The following SPECC1 variants were observed in gnomAD, a reference collection of about 807,000 sequenced individuals.
The protein encoded by SPECC1 is sperm antigen with calponin homology and coiled-coil domains 1.
A neutral mutation model predicts 104.1 loss-of-function variants in SPECC1; 62 were observed. That is an observed-to-expected ratio of 0.60 (90% CI 0.49 to 0.74). SPECC1 has a LOEUF of 0.74. Among genes scored for constraint, SPECC1 ranks in the 30% least tolerant of loss-of-function variants. The pLI is 0.00. For missense variants in SPECC1, 1,306 were observed against 1,310.5 expected (o/e 1.00, Z 0.05); for synonymous variants, 513 against 501.6 (o/e 1.02, Z -0.30).
At chr17:20,215,869 A>G (rs1307156477) in intron 4 of SPECC1, among the ~76,000 whole-genome samples, 1 of 152,166 alleles carries the variant, frequency 6.6e-6, no homozygotes, top group Non-Finnish European at 1.5e-5. Flanking sequence ...CTTGGTTCTT[A>G]GATATCTCTA....
intron 1 of SPECC1, among the ~76,000 whole-genome samples, chr17:20,072,724 A>G (rs1184493627): frequency 1.3e-5 from 2 of 152,230 alleles, no homozygotes; most frequent in African/African-American, 4.8e-5. Context: ...GCCACCTGCT[A>G]TATAAGAGCT....
chr17:20,093,819 C>T (rs1271230743), intron 1 of SPECC1, among the ~76,000 whole-genome samples: 1 of 151,096 alleles, frequency 6.6e-6, no homozygotes, highest in Non-Finnish European at 1.5e-5. Context: ...CAACCTCTGC[C>T]TCCCGGGTTC....
intron 5 of SPECC1, among the ~76,000 whole-genome samples, chr17:20,228,819 C>T (rs1475007801): frequency 6.6e-6 from 1 of 152,254 alleles, no homozygotes; most frequent in South Asian, 2.1e-4. Context: ...CCAAATAAGC[C>T]TTACCAAATT....
At position 20,227,467 on chromosome 17, in the gene SPECC1, C is replaced by T; in HGVS notation, c.1918C>T (p.Leu640=). The T allele has an allele frequency of 6.2e-7, 1 of 1,613,718 alleles. No individual in the cohort carries two copies. Among genetic ancestry groups the T allele is most frequent in the Non-Finnish European group, 8.5e-7 (1 of 1,179,898 alleles). Residue 640 remains leucine, a synonymous_variant, in exon 5 of 15, where the codon CTG becomes TTG. Transcript: ENST00000395527. Reference sequence around the variant, plus strand: ...GATATGTGATCACCAAGCCGAACAGCTGAGCAGAACCAGCCTAAAGCTGCA... The same window carrying T: ...GATATGTGATCACCAAGCCGAACAGTTGAGCAGAACCAGCCTAAAGCTGCA... ...KEICDHQAEQ[L]SRTSLKLQEK...
At chr17:20,238,118 A>G (rs2039019533) in intron 7 of SPECC1, 1 of 1,028,930 alleles carries the variant, frequency 9.7e-7, no homozygotes, top group African/African-American at 1.7e-5. Context: ...GGTGCCTCCA[A>G]GCTTTGGGTT....
At position 20,227,563 on chromosome 17, in the gene SPECC1, G is replaced by C; in HGVS notation, c.2014G>C (p.Val672Leu). ...AACCATATTTGAATTGGAAGATCAG[G>C]TGGAACAGCACCGGGCTGTCAAGTT... ...KETIFELEDQ[V>L]EQHRAVKLHN... is the part of the protein sequence containing the mutation. The change falls in exon 5 of 15, where the codon GTG (valine) becomes CTG (leucine). Residue 672 changes from valine (V) to leucine (L), a missense_variant. Transcript: ENST00000395527. 1 of 1,612,670 alleles carries C rather than the reference G, an allele frequency of 6.2e-7. No homozygotes were observed. The highest frequency in any genetic ancestry group is 8.5e-7 in the Non-Finnish European group (1 of 1,179,696).
chr17:20,270,868 C>CACCT (rs1292197933), intron 12 of SPECC1, among the ~76,000 whole-genome samples: 1 of 152,164 alleles, frequency 6.6e-6, no homozygotes, highest in Non-Finnish European at 1.5e-5. Context: ...ATACTGGATA[C>CACCT]ACCTACTCTT....
chr17:20,025,330 G>C (rs1269482464), intron 1 of SPECC1, among the ~76,000 whole-genome samples: 1 of 152,202 alleles, frequency 6.6e-6, no homozygotes, highest in Admixed American at 6.5e-5. Context: ...AAGCTCCCCA[G>C]TTTGTGGTAC....
chr17:20,042,091 C>T (rs550703278), intron 1 of SPECC1, among the ~76,000 whole-genome samples: 5 of 152,286 alleles, frequency 3.3e-5, no homozygotes, highest in Non-Finnish European at 7.3e-5. Context: ...TTGGGTATTA[C>T]GTTATCAGAC....
At chr17:20,260,814 C>T (rs1366485973) in intron 12 of SPECC1, among the ~76,000 whole-genome samples, 1 of 151,964 alleles carries the variant, frequency 6.6e-6, no homozygotes, top group Admixed American at 6.6e-5. Context: ...GTGGGCTGGG[C>T]TGGGTAGATC....
chr17:20,173,220 G>A (rs1204310123), intron 3 of SPECC1, among the ~76,000 whole-genome samples: 3 of 152,196 alleles, frequency 2.0e-5, no homozygotes, highest in Non-Finnish European at 2.9e-5. Context: ...CTTTGCCCTG[G>A]CATGAAAAGA....
intron 3 of SPECC1, among the ~76,000 whole-genome samples, chr17:20,115,717 A>G (rs1026845512): frequency 1.3e-5 from 2 of 152,222 alleles, no homozygotes; most frequent in African/African-American, 2.4e-5. Flanking sequence ...ACAATTAACA[A>G]TCTTTCTAAC....
chr17:20,095,122 A>G (rs1424012486), intron 1 of SPECC1, among the ~76,000 whole-genome samples: 3 of 152,216 alleles, frequency 2.0e-5, no homozygotes, highest in Non-Finnish European at 4.4e-5. Context: ...GTTACTGTAT[A>G]GGTCTCAACC....
rs369658471 is a variant in SPECC1, at chr17:20,318,187, A to G, written c.*4122A>G. On this transcript the variant is annotated 3_prime_UTR_variant, in exon 15 of 15. Transcript: ENST00000395527. ...TCATTTTTACATGAAAGACAGCTGC[A>G]AAATGCAAGCCCCAGTAGAGTTGGA... 3 of 231,402 alleles carry G rather than the reference A, an allele frequency of 1.3e-5. No homozygotes were observed. The highest frequency in any genetic ancestry group is 1.8e-4 in the South Asian group (1 of 5,514). The allele number at this position is 231,402 out of a possible 1,614,324, so 14.3% of individuals were successfully genotyped here. A position where few individuals can be genotyped will look rare whatever the true frequency, so the allele number is the denominator to read the frequency against.
At chr17:20,082,967 TTC>T (rs2047035521) in intron 1 of SPECC1, among the ~76,000 whole-genome samples, 1 of 72,104 alleles carries the variant, frequency 1.4e-5, no homozygotes, top group African/African-American at 4.7e-5. Flanking sequence ...TGTTCGTTCG[TTC>T]GTTCGTTCGT....
chr17:20,096,832 G>A (rs535958198), intron 2 of SPECC1, 34 bp downstream of exon 2: 71 of 1,589,776 alleles, frequency 4.5e-5, no homozygotes, highest in East Asian at 1.8e-4. Context: ...CAGGCAGAGC[G>A]CCTGGATACC....
chr17:20,067,465 T>G (rs1382056118), intron 1 of SPECC1: 3 of 152,014 alleles, frequency 2.0e-5, no homozygotes, highest in Non-Finnish European at 4.4e-5. Flanking sequence ...ATATATAGAT[T>G]TTTTTTTCAG....
At chr17:20,260,429 G>T (rs2039985650) in intron 12 of SPECC1, 135 bp downstream of exon 12, 2 of 707,828 alleles carry the variant, frequency 2.8e-6, no homozygotes, top group Non-Finnish European at 2.2e-6. Context: ...CCTAGGCAGG[G>T]CTGCCAGGGA....
intron 9 of SPECC1, among the ~76,000 whole-genome samples, chr17:20,251,862 TAAAG>T (rs139959419): frequency 9.6e-4 from 146 of 152,250 alleles, no homozygotes; most frequent in African/African-American, 2.6e-3. Flanking sequence ...ATTTTATAAA[TAAAG>T]AAAATAAGGC....
Sources: gnomAD v4.1 joint callset for allele counts (sites outside exome capture counted in the v4.1 genomes callset) on GRCh38, gnomAD v4.1.1 for gene constraint, MANE v1.5 for transcripts, NCBI Gene and HGNC (gene_info 2026-07-23, HGNC 2026-07-21) for gene names.